CHRM3: variants seen among roughly 807,000 people sequenced by gnomAD.
The protein encoded by CHRM3 is muscarinic acetylcholine receptor M3.
A neutral mutation model predicts 41.8 loss-of-function variants in CHRM3; 11 were observed. The ratio of observed to expected loss-of-function variants is 0.26; its 90% confidence interval spans 0.17 to 0.44. CHRM3 has a LOEUF of 0.44. Among genes scored for constraint, CHRM3 ranks in the 20% least tolerant of loss-of-function variants. CHRM3 has a pLI of 1.00. For synonymous variants in CHRM3, 297 were observed against 301.4 expected, an observed-to-expected ratio of 0.99 and a Z score of 0.15; for missense variants, 571 against 745.4, an observed-to-expected ratio of 0.77 and a Z score of 2.72.
chr1:239,782,502 C>G (rs1475800477), intron 5 of CHRM3, among the ~76,000 whole-genome samples: 2 of 151,880 alleles, frequency 1.3e-5, no homozygotes, highest in Admixed American at 1.3e-4. Flanking sequence ...TACTTTTTTT[C>G]TTAGTTGGCC....
intron 6 of CHRM3, among the ~76,000 whole-genome samples, chr1:239,841,196 C>A (rs539455476): frequency 6.6e-6 from 1 of 152,284 alleles, no homozygotes; most frequent in Admixed American, 6.5e-5. Flanking sequence ...AGGCTTTGCA[C>A]ATTTAACTTG....
intron 6 of CHRM3, among the ~76,000 whole-genome samples, chr1:239,881,282 C>CAAAAAAAA (rs71567253): frequency 0.022 from 740 of 33,956 alleles, 122 homozygotes; most frequent in Non-Finnish European, 0.028. Flanking sequence ...GACTCCGTCT[C>CAAAAAAAA]AAAAAAAAAA....
intron 1 of CHRM3, among the ~76,000 whole-genome samples, chr1:239,408,631 C>T (rs919435688): frequency 3.3e-5 from 5 of 151,654 alleles, no homozygotes; most frequent in Non-Finnish European, 5.9e-5. Flanking sequence ...ACTATGTTGG[C>T]CCAGGATGCT....
intron 2 of CHRM3, among the ~76,000 whole-genome samples, chr1:239,503,334 T>C (rs1251538360): frequency 6.6e-6 from 1 of 151,894 alleles, no homozygotes; most frequent in Non-Finnish European, 1.5e-5. Context: ...TAAAATAAAA[T>C]ACTTAGGAAT....
chr1:239,653,801 T>C lies in CHRM3; in HGVS notation c.-250+21515T>C, dbSNP rs144822584. Reference sequence around the variant, plus strand: ...CAGGGCTTCAGAGTCAAGACTTTTATGGTTGGCCCTGGGGGATAAACAGAA... The same window carrying C: ...CAGGGCTTCAGAGTCAAGACTTTTACGGTTGGCCCTGGGGGATAAACAGAA... On this transcript the variant is annotated intron_variant, in intron 4 of 6. Coordinates refer to ENST00000676153, the MANE Select transcript of CHRM3 (RefSeq NM_001375978.1). 3.0e-3 allele frequency among the ~76,000 whole-genome samples: 461 copies of C among 152,290 alleles called. 3 individuals are homozygous for C. Among genetic ancestry groups the C allele is most frequent in the African/African-American group, 0.01 (425 of 41,558 alleles).
intron 5 of CHRM3, among the ~76,000 whole-genome samples, chr1:239,791,717 G>T (rs1402202230): frequency 6.6e-6 from 1 of 152,150 alleles, no homozygotes; most frequent in African/African-American, 2.4e-5. Context: ...GAAAGAAAAG[G>T]GTTGGTGATA....
chr1:239,852,866 C>T lies in CHRM3; in HGVS notation c.-20+25488C>T, dbSNP rs1572491281. On this transcript the variant is annotated intron_variant, in intron 6 of 6. Transcript: ENST00000676153. ...TGGGAAATTCATCTGTCATTGTGAACATTCTAATTTATGTATTGACAGGTG... is the reference window on the plus strand; with the variant it reads ...TGGGAAATTCATCTGTCATTGTGAATATTCTAATTTATGTATTGACAGGTG... 2.0e-5 allele frequency among the ~76,000 whole-genome samples: 3 copies of T among 152,194 alleles called. No homozygotes were observed. The South Asian group carries it at 6.2e-4, about 32-fold the overall frequency.
At chr1:239,856,139 A>T (rs2149248132) in intron 6 of CHRM3, among the ~76,000 whole-genome samples, 1 of 151,978 alleles carries the variant, frequency 6.6e-6, no homozygotes, top group South Asian at 2.1e-4. Flanking sequence ...TCACATCTCT[A>T]TCCCTTTCCC....
At chr1:239,681,704 G>C (rs1378597589) in intron 5 of CHRM3, among the ~76,000 whole-genome samples, 1 of 152,112 alleles carries the variant, frequency 6.6e-6, no homozygotes, top group Non-Finnish European at 1.5e-5. Flanking sequence ...ACCGGCCTGA[G>C]CTGAACGTAG....
intron 3 of CHRM3, among the ~76,000 whole-genome samples, chr1:239,588,035 G>A (rs951675128): frequency 2.0e-5 from 3 of 152,104 alleles, no homozygotes; most frequent in African/African-American, 2.4e-5. Flanking sequence ...GCTACACATC[G>A]CTCTGCTCTC....
At chr1:239,873,144 T>C (rs1234446140) in intron 6 of CHRM3, among the ~76,000 whole-genome samples, 1 of 152,120 alleles carries the variant, frequency 6.6e-6, no homozygotes, top group Non-Finnish European at 1.5e-5. Context: ...AGGGCATTTA[T>C]CATGTACTGT....
Position 239,580,262 on chromosome 1 carries a change from A to T in CHRM3, c.-313+34513A>T, listed in dbSNP as rs1276888656. On this transcript the variant is annotated intron_variant, in intron 3 of 6. Coordinates refer to ENST00000676153, the MANE Select transcript of CHRM3 (RefSeq NM_001375978.1). ...CTACCTGGAAAATACACACTGTCAC[A>T]CACACACACACACACACACACACAC... 7.9e-4 allele frequency among the ~76,000 whole-genome samples: 12 copies of T among 15,260 alleles called. No individual in the cohort carries two copies. In the South Asian group the frequency reaches 0.011, roughly 14 times the overall value. 10.0% of individuals were successfully genotyped at this position (15,260 alleles called of 152,430 possible).
At chr1:239,696,928 A>C (rs1572016135) in intron 5 of CHRM3, among the ~76,000 whole-genome samples, 2 of 152,308 alleles carry the variant, frequency 1.3e-5, no homozygotes, top group East Asian at 1.9e-4. Flanking sequence ...GTACTTTAAA[A>C]ATTTTTGGTA....
At chr1:239,572,441 G>A (rs1281153001) in intron 3 of CHRM3, among the ~76,000 whole-genome samples, 1 of 152,172 alleles carries the variant, frequency 6.6e-6, no homozygotes, top group African/African-American at 2.4e-5. Context: ...TTAGAATTGT[G>A]ATATTAATGA....
chr1:239,641,282 C>T (rs1295439746), intron 4 of CHRM3, among the ~76,000 whole-genome samples: 204 of 149,114 alleles, frequency 1.4e-3, no homozygotes, highest in Middle Eastern at 3.4e-3. Flanking sequence ...CTATTAGGTC[C>T]GCTTGGTGCA....
At chr1:239,866,204 C>T (rs1676082297) in intron 6 of CHRM3, among the ~76,000 whole-genome samples, 2 of 152,046 alleles carry the variant, frequency 1.3e-5, no homozygotes, top group Non-Finnish European at 2.9e-5. Flanking sequence ...GGTGAAACCC[C>T]GTCTCTACTA....
At chr1:239,857,982 A>G (rs1675264360) in intron 6 of CHRM3, among the ~76,000 whole-genome samples, 3 of 152,146 alleles carry the variant, frequency 2.0e-5, no homozygotes, top group Admixed American at 2.0e-4. Context: ...GACATATATT[A>G]TTGATATATA....
At chr1:239,803,392 T>C (rs1358930600) in intron 5 of CHRM3, among the ~76,000 whole-genome samples, 1 of 152,184 alleles carries the variant, frequency 6.6e-6, no homozygotes, top group African/African-American at 2.4e-5. Context: ...AGGAAAAGAA[T>C]AATTACTTTA....
intron 6 of CHRM3, among the ~76,000 whole-genome samples, chr1:239,893,704 G>T (rs1678738949): frequency 6.8e-6 from 1 of 148,106 alleles, no homozygotes; most frequent in African/African-American, 2.5e-5. Context: ...AATGCCCTGA[G>T]GTTCTCATGA....
Sources: allele counts gnomAD v4.1 joint callset (sites outside exome capture counted in the v4.1 genomes callset), GRCh38; gene constraint gnomAD v4.1.1; transcripts MANE v1.5; gene names NCBI Gene and HGNC (gene_info 2026-07-23, HGNC 2026-07-21).